CSMD2: variants seen among roughly 807,000 people sequenced by gnomAD.
The protein encoded by CSMD2 is CUB and sushi domain-containing protein 2.
In CSMD2, 130 loss-of-function variants were observed where a neutral mutation model predicts 398.5. The observed-to-expected ratio is 0.33, with a 90% CI of 0.28 to 0.38. The LOEUF is 0.38. CSMD2 is among the 10% of genes least tolerant of loss of function. The pLI, the probability that CSMD2 is intolerant of heterozygous loss-of-function variation, is 1.00. For missense variants in CSMD2, 3,829 were observed against 4,764.9 expected (o/e 0.80, Z 5.78); for synonymous variants, 1,828 against 1,908.5 (o/e 0.96, Z 1.10).
intron 5 of CSMD2, among the ~76,000 whole-genome samples, chr1:33,872,050 T>C (rs959473442): frequency 6.6e-6 from 1 of 152,186 alleles, no homozygotes; most frequent in Non-Finnish European, 1.5e-5. Context: ...ATATTGGGGA[T>C]TAACTTTCCA....
chr1:33,538,541 T>C (rs1302763138), intron 60 of CSMD2, among the ~76,000 whole-genome samples: 2 of 152,076 alleles, frequency 1.3e-5, no homozygotes, highest in African/African-American at 2.4e-5. Flanking sequence ...ACATGCAAAA[T>C]AAAATGAAGC....
At chr1:33,914,533 C>T (rs1430620786) in intron 5 of CSMD2, among the ~76,000 whole-genome samples, 1 of 152,060 alleles carries the variant, frequency 6.6e-6, no homozygotes, top group African/African-American at 2.4e-5. Context: ...TGGTCACACA[C>T]ACAAAAATGC....
At chr1:34,077,768 T>C (rs1231255105) in intron 2 of CSMD2, among the ~76,000 whole-genome samples, 1 of 141,480 alleles carries the variant, frequency 7.1e-6, no homozygotes, top group Non-Finnish European at 1.5e-5. Flanking sequence ...AAAAAAATGC[T>C]GTGAGGAGAC....
At chr1:33,889,065 C>T (rs779583894) in intron 5 of CSMD2, among the ~76,000 whole-genome samples, 4 of 152,106 alleles carry the variant, frequency 2.6e-5, no homozygotes, top group Admixed American at 6.6e-5. Flanking sequence ...CCACTGCGCC[C>T]GGCCAAGATC....
At chr1:33,904,000 T>C (rs1007205381) in intron 5 of CSMD2, among the ~76,000 whole-genome samples, 1 of 152,104 alleles carries the variant, frequency 6.6e-6, no homozygotes, top group African/African-American at 2.4e-5. Context: ...AGGGACAGGA[T>C]GAAGAGCACA....
At chr1:34,116,116 G>A (rs897229442) in intron 1 of CSMD2, among the ~76,000 whole-genome samples, 1 of 151,956 alleles carries the variant, frequency 6.6e-6, no homozygotes, top group African/African-American at 2.4e-5. Context: ...AATTACTTTC[G>A]ATGTAAATGG....
At chr1:33,626,963 G>A (rs1346563922) in intron 32 of CSMD2, among the ~76,000 whole-genome samples, 1 of 152,136 alleles carries the variant, frequency 6.6e-6, no homozygotes, top group Non-Finnish European at 1.5e-5. Context: ...CGGCTGACTG[G>A]TGGTTTACTT....
Position 34,089,186 on chromosome 1 carries a change from G to C in CSMD2, c.195C>G (p.Asn65Lys). The change falls in exon 2 of 71, where the codon AAC becomes AAG. Residue 65 changes from asparagine (N) to lysine (K), a missense_variant. Coordinates refer to ENST00000373381, the MANE Select transcript of CSMD2 (RefSeq NM_001281956.2). ...LLSVSAAAGQ[N>K]CTFQLHGPNG... The stretch of plus-strand genomic sequence containing the variant: ...TGGGACCGTGCAGTTGGAACGTGCA[G>C]TTCTGGCCTGGGAAAGAGAAATGGA... The C allele has an allele frequency of 6.2e-7, 1 of 1,614,064 alleles. No individual in the cohort carries two copies. The highest frequency in any genetic ancestry group is 1.7e-5 in the Admixed American group (1 of 60,010).
intron 28 of CSMD2, among the ~76,000 whole-genome samples, chr1:33,650,063 C>T (rs778084950): frequency 3.9e-5 from 6 of 152,130 alleles, no homozygotes; most frequent in East Asian, 3.9e-4. Flanking sequence ...AAGTCACCGG[C>T]GAAGGGTTTC....
At chr1:33,869,577 C>T (rs1461809041) in intron 5 of CSMD2, among the ~76,000 whole-genome samples, 1 of 152,180 alleles carries the variant, frequency 6.6e-6, no homozygotes, top group African/African-American at 2.4e-5. Flanking sequence ...CCGGGCCTTA[C>T]CCCCAGAGTT....
chr1:33,634,346 A>C (rs1363852096), intron 31 of CSMD2, among the ~76,000 whole-genome samples: 1 of 152,200 alleles, frequency 6.6e-6, no homozygotes, highest in Non-Finnish European at 1.5e-5. Flanking sequence ...CGAACGCCTC[A>C]AGCATCAGGC....
intron 4 of CSMD2, among the ~76,000 whole-genome samples, chr1:33,924,788 T>G (rs1243944023): frequency 1.3e-5 from 2 of 152,230 alleles, no homozygotes; most frequent in African/African-American, 4.8e-5. Flanking sequence ...TCCCTGATGA[T>G]CAGAGATGTT....
intron 10 of CSMD2, chr1:33,805,041 A>G: frequency 1.6e-6 from 1 of 615,846 alleles, no homozygotes; most frequent in Non-Finnish European, 2.9e-6. Context: ...TTAGAAACTC[A>G]GGCTGGTGGG....
intron 41 of CSMD2, among the ~76,000 whole-genome samples, chr1:33,607,646 C>T (rs1640709031): frequency 6.6e-6 from 1 of 152,220 alleles, no homozygotes; most frequent in Admixed American, 6.5e-5. Context: ...TGGGATCGCC[C>T]CAAACGAGAA....
intron 7 of CSMD2, among the ~76,000 whole-genome samples, chr1:33,824,148 C>G (rs773908333): frequency 6.6e-5 from 10 of 152,184 alleles, no homozygotes; most frequent in Non-Finnish European, 1.5e-4. Context: ...TTTGATCTCC[C>G]AAGTCAGGGC....
At chr1:33,901,304 G>T (rs796295632) in intron 5 of CSMD2, among the ~76,000 whole-genome samples, 3 of 152,328 alleles carry the variant, frequency 2.0e-5, no homozygotes, top group African/African-American at 7.2e-5. Flanking sequence ...CTGGTGAGAT[G>T]CGGTTGGCTG....
chr1:34,086,020 G>GAAAA (rs146332740), intron 2 of CSMD2, among the ~76,000 whole-genome samples: 1 of 130,184 alleles, frequency 7.7e-6, no homozygotes, highest in Non-Finnish European at 1.6e-5. Context: ...AAGTTTCCTG[G>GAAAA]AAAAAAAAAA....
At chr1:33,745,280 G>A (rs564638047) in intron 13 of CSMD2, among the ~76,000 whole-genome samples, 6 of 152,282 alleles carry the variant, frequency 3.9e-5, no homozygotes, top group East Asian at 1.9e-4. Context: ...TATCAGGGTC[G>A]TAGGCGTTCA....
In CSMD2 at chr1:34,028,877, G is replaced by A. The variant is rs867330856; in HGVS notation, c.517+3717C>T. The stretch of plus-strand genomic sequence containing the variant: ...TCTGTCATCTCAGGGTTTGACTACC[G>A]GCCTTTTTGATCTTTTCCTTGCGGC... On this transcript the variant is annotated intron_variant, in intron 3 of 70. Transcript: ENST00000373381. Among the ~76,000 whole-genome samples the A allele has an allele frequency of 3.9e-5, 6 of 152,290 alleles. No homozygotes were observed. The South Asian group carries it at 8.3e-4, about 21-fold the overall frequency.
Sources: allele counts gnomAD v4.1 joint callset (sites outside exome capture counted in the v4.1 genomes callset), GRCh38; gene constraint gnomAD v4.1.1; transcripts MANE v1.5; gene names NCBI Gene and HGNC (gene_info 2026-07-23, HGNC 2026-07-21).